Variants in TRAM1 observed in about 807,000 individuals in gnomAD.
TRAM1 encodes the protein translocation associated membrane protein 1.
A neutral mutation model predicts 48.7 loss-of-function variants in TRAM1; 17 were observed. The observed-to-expected ratio is 0.35, with a 90% CI of 0.24 to 0.52. The LOEUF (loss-of-function observed/expected upper bound fraction) is 0.52, where lower values mean the gene tolerates loss of function less well. Among genes scored for constraint, TRAM1 ranks in the 20% least tolerant of loss-of-function variants. The pLI is 0.94. For missense variants in TRAM1, 351 were observed against 441.5 expected, an observed-to-expected ratio of 0.79 and a Z score of 1.84; for synonymous variants, 182 against 154.0, an observed-to-expected ratio of 1.18 and a Z score of -1.34.
chr8:70,584,817 G>A (rs1176188020), intron 8 of TRAM1, among the ~76,000 whole-genome samples: 3 of 151,990 alleles, frequency 2.0e-5, no homozygotes, highest in Non-Finnish European at 4.4e-5. Context: ...ATGCTCATGA[G>A]TAGGAAGAAT....
At chr8:70,582,289 A>AT (rs749411995) in intron 10 of TRAM1, among the ~76,000 whole-genome samples, 14,153 of 143,130 alleles carry the variant, frequency 0.099, 743 homozygotes, top group Non-Finnish European at 0.12. Flanking sequence ...AGGTTGTATA[A>AT]TTTTTTTTTT....
intron 1 of TRAM1, among the ~76,000 whole-genome samples, chr8:70,604,277 G>T (rs574239542): frequency 1.1e-4 from 16 of 152,284 alleles, no homozygotes; most frequent in Admixed American, 9.1e-4. Flanking sequence ...TTGGGGCTTG[G>T]TATCTTTCTT....
At chr8:70,590,459 C>G (rs1817328535) in intron 6 of TRAM1, among the ~76,000 whole-genome samples, 1 of 152,188 alleles carries the variant, frequency 6.6e-6, no homozygotes, top group Non-Finnish European at 1.5e-5. Flanking sequence ...TTCCTAAGTT[C>G]AGATTCAACT....
intron 10 of TRAM1, among the ~76,000 whole-genome samples, chr8:70,578,711 T>G (rs1173022452): frequency 6.6e-6 from 1 of 152,178 alleles, no homozygotes; most frequent in African/African-American, 2.4e-5. Context: ...AATGCTGATA[T>G]TACACAAAGG....
At chr8:70,595,463 G>A (rs998079409) in intron 5 of TRAM1, among the ~76,000 whole-genome samples, 3 of 151,794 alleles carry the variant, frequency 2.0e-5, no homozygotes, top group African/African-American at 7.3e-5. Context: ...TCTTTCCTTC[G>A]TATCTTCTCC....
intron 2 of TRAM1, among the ~76,000 whole-genome samples, chr8:70,598,847 T>C (rs1348098219): frequency 1.3e-5 from 2 of 152,234 alleles, no homozygotes; most frequent in African/African-American, 4.8e-5. Context: ...ATGGGGAACA[T>C]ATACATAAAA....
chr8:70,584,581 A>T (rs1032878911), intron 8 of TRAM1, among the ~76,000 whole-genome samples: 1 of 152,232 alleles, frequency 6.6e-6, no homozygotes. Flanking sequence ...CAACTTCAGC[A>T]AAGTCTCAGG....
At position 70,574,777 on chromosome 8, in the gene TRAM1, C is replaced by T. The variant is rs891200001; in HGVS notation, c.*155G>A. 18 of 590,420 alleles carry T rather than the reference C, an allele frequency of 3.0e-5. No individual in the cohort carries two copies. Among genetic ancestry groups the T allele is most frequent in the Non-Finnish European group, 4.1e-5 (14 of 342,592 alleles). 36.6% of individuals were successfully genotyped at this position (590,420 alleles called of 1,614,324 possible). On this transcript the variant is annotated 3_prime_UTR_variant, in exon 11 of 11. Transcript: ENST00000262213. ...TTTTCATTCATAGCAATAATCCTCCCCTCAAATGCCCTTTAAAAAAATGCA... is the reference window on the plus strand; with the variant it reads ...TTTTCATTCATAGCAATAATCCTCCTCTCAAATGCCCTTTAAAAAAATGCA...
intron 6 of TRAM1, among the ~76,000 whole-genome samples, chr8:70,594,264 A>G (rs1368990117): frequency 6.6e-6 from 1 of 150,876 alleles, no homozygotes; most frequent in South Asian, 2.1e-4. Context: ...AGCCATTAAC[A>G]TATCAAATGT....
intron 6 of TRAM1, among the ~76,000 whole-genome samples, chr8:70,590,211 T>A (rs1239804292): frequency 6.6e-6 from 1 of 152,066 alleles, no homozygotes; most frequent in African/African-American, 2.4e-5. Flanking sequence ...GATTTTTTTT[T>A]TTTTAATTTA....
chr8:70,597,991 G>A lies in TRAM1; in HGVS notation c.330C>T (p.His110=), dbSNP rs565513761. ...ACTTGCTGTGTTTTGTTTTGGAGAA[G>A]TGCATTCGCCTGTTAATTTTCTAAA... ...YMLDKINRRM[H]FSKTKHSKFN... The change falls in exon 4 of 11, where the codon CAC becomes CAT. Residue 110 remains histidine, a synonymous_variant. Coordinates refer to ENST00000262213, the MANE Select transcript of TRAM1 (RefSeq NM_014294.6). The A allele has an allele frequency of 1.9e-6, 3 of 1,594,936 alleles. No individual in the cohort carries two copies. In the African/African-American group the frequency reaches 4.0e-5, roughly 21 times the overall value.
intron 5 of TRAM1, among the ~76,000 whole-genome samples, chr8:70,594,836 C>G (rs908462612): frequency 5.9e-5 from 9 of 152,122 alleles, no homozygotes; most frequent in African/African-American, 2.2e-4. Context: ...AAGCTATTGA[C>G]ATGTAAGCCA....
intron 6 of TRAM1, among the ~76,000 whole-genome samples, chr8:70,592,251 C>G (rs964960638): frequency 1.3e-5 from 2 of 152,130 alleles, no homozygotes; most frequent in African/African-American, 4.8e-5. Context: ...TTGAAAGAAA[C>G]TAAGTTATTT....
chr8:70,594,450 T>G, intron 6 of TRAM1, 56 bp downstream of exon 6: 2 of 1,453,458 alleles, frequency 1.4e-6, no homozygotes, highest in Non-Finnish European at 1.9e-6. Context: ...TTTAGAAAAA[T>G]TTTTCAAAAA....
chr8:70,596,135 C>G (rs1212971362), intron 5 of TRAM1, 128 bp downstream of exon 5: 1 of 643,218 alleles, frequency 1.6e-6, no homozygotes, highest in Admixed American at 3.2e-5. Flanking sequence ...GTGGGACTGT[C>G]AAAGACATAT....
intron 1 of TRAM1, among the ~76,000 whole-genome samples, chr8:70,604,850 T>TCC (rs895753261): frequency 2.0e-5 from 3 of 152,188 alleles, no homozygotes; most frequent in Non-Finnish European, 4.4e-5. Flanking sequence ...TCTTCACCCC[T>TCC]CCTCCACATA....
At chr8:70,598,587 A>G (rs911983561) in intron 2 of TRAM1, among the ~76,000 whole-genome samples, 11 of 152,350 alleles carry the variant, frequency 7.2e-5, no homozygotes, top group Non-Finnish European at 1.3e-4. Flanking sequence ...AGTTATACTT[A>G]GCCTACTGAC....
At chr8:70,598,590 C>G (rs1817539817) in intron 2 of TRAM1, among the ~76,000 whole-genome samples, 1 of 152,146 alleles carries the variant, frequency 6.6e-6, no homozygotes, top group African/African-American at 2.4e-5. Flanking sequence ...TATACTTAGC[C>G]TACTGACCTA....
intron 1 of TRAM1, among the ~76,000 whole-genome samples, chr8:70,602,397 A>T (rs1817623394): frequency 6.6e-6 from 1 of 152,214 alleles, no homozygotes; most frequent in Non-Finnish European, 1.5e-5. Flanking sequence ...GGGAGAAGTT[A>T]AACACACAGG....
Sources: gnomAD v4.1 joint callset for allele counts (sites outside exome capture counted in the v4.1 genomes callset) on GRCh38, gnomAD v4.1.1 for gene constraint, MANE v1.5 for transcripts, NCBI Gene and HGNC (gene_info 2026-07-23, HGNC 2026-07-21) for gene names.